SPATS1: variants seen among roughly 807,000 people sequenced by gnomAD.
The protein encoded by SPATS1 is spermatogenesis associated serine rich 1.
In SPATS1, 23 loss-of-function variants were observed where a neutral mutation model predicts 33.6. The ratio of observed to expected loss-of-function variants is 0.68; its 90% confidence interval spans 0.49 to 0.97. The LOEUF (loss-of-function observed/expected upper bound fraction) is 0.97, where lower values mean the gene tolerates loss of function less well. Ranked by LOEUF, SPATS1 falls within the 50% of genes least tolerant of loss-of-function variation. SPATS1 has a pLI of 0.00. For synonymous variants in SPATS1, 131 were observed against 125.6 expected, an observed-to-expected ratio of 1.04 and a Z score of -0.29; for missense variants, 327 against 361.0, an observed-to-expected ratio of 0.91 and a Z score of 0.76.
intron 2 of SPATS1, among the ~76,000 whole-genome samples, chr6:44,343,824 G>A (rs1476420349): frequency 1.3e-5 from 2 of 152,188 alleles, no homozygotes; most frequent in Non-Finnish European, 2.9e-5. Context: ...AGCTCAGAGT[G>A]CGCCTGCGCT....
In SPATS1 at chr6:44,350,533, G is replaced by GC. The variant is rs1788171820; in HGVS notation, c.140-2189dup. Among the ~76,000 whole-genome samples, 10 of 152,342 alleles carry GC rather than the reference G, an allele frequency of 6.6e-5. 1 individual carries two copies. In the South Asian group the frequency reaches 1.7e-3, roughly 25 times the overall value. ...TAGGCCTTGCGCCATGTCCTGAGAA[G>GC]CCCCAGAGTGGGAGGATTTTGAAGG... On this transcript the variant is annotated intron_variant, in intron 2 of 8. Coordinates refer to ENST00000674044, the MANE Select transcript of SPATS1 (RefSeq NM_001372081.1).
intron 5 of SPATS1, among the ~76,000 whole-genome samples, chr6:44,363,611 T>C (rs1052108152): frequency 5.3e-5 from 8 of 152,086 alleles, no homozygotes; most frequent in African/African-American, 1.9e-4. Flanking sequence ...TCTTTTTCTT[T>C]CTTCTCCTTT....
In SPATS1 at chr6:44,372,475, G is replaced by GT. The variant is rs926017003; in HGVS notation, c.758+2369dup. ...TTATTTTATTTTTTATTTTATTTATGTTTTTTTAGATGGAGTCTCACTTTG... is the reference window on the plus strand; with the variant it reads ...TTATTTTATTTTTTATTTTATTTATGTTTTTTTTAGATGGAGTCTCACTTTG... On this transcript the variant is annotated intron_variant, in intron 7 of 8. Coordinates refer to ENST00000674044, the MANE Select transcript of SPATS1 (RefSeq NM_001372081.1). Among the ~76,000 whole-genome samples, 185 of 151,130 alleles carry GT rather than the reference G, an allele frequency of 1.2e-3. 1 individual carries two copies. The highest frequency in any genetic ancestry group is 4.1e-3 in the African/African-American group (168 of 41,204).
chr6:44,368,139 C>T (rs1234351859), intron 5 of SPATS1, among the ~76,000 whole-genome samples: 1 of 152,222 alleles, frequency 6.6e-6, no homozygotes, highest in African/African-American at 2.4e-5. Context: ...AACACTCCAT[C>T]TGAATCTAAC....
rs766095927 is a variant in SPATS1, at chr6:44,377,883, C to T, written c.*820C>T. 6.6e-6 allele frequency: 1 copy of T among 152,222 alleles called. No individual in the cohort carries two copies. Among genetic ancestry groups the T allele is most frequent in the South Asian group, 2.1e-4 (1 of 4,832 alleles). The allele number at this position is 152,222 out of a possible 1,614,324, so 9.4% of individuals were successfully genotyped here. A position where few individuals can be genotyped will look rare whatever the true frequency, so the allele number is the denominator to read the frequency against. ...CTCCCAATGGCCTTACCTCCTAATA[C>T]CATCACCTTGGGGATTAGGTTTCGA... On this transcript the variant is annotated 3_prime_UTR_variant, in exon 9 of 9. Coordinates refer to ENST00000674044, the MANE Select transcript of SPATS1 (RefSeq NM_001372081.1).
intron 3 of SPATS1, among the ~76,000 whole-genome samples, chr6:44,355,842 T>C (rs1449525517): frequency 1.3e-5 from 2 of 152,162 alleles, no homozygotes; most frequent in Non-Finnish European, 2.9e-5. Context: ...GGACCATGTA[T>C]TGGGAGGGAA....
intron 7 of SPATS1, among the ~76,000 whole-genome samples, chr6:44,374,728 GA>G (rs1789828714): frequency 6.6e-6 from 1 of 152,186 alleles, no homozygotes; most frequent in Admixed American, 6.5e-5. Flanking sequence ...AACAAAGGCT[GA>G]AAAATGCTTT....
intron 3 of SPATS1, among the ~76,000 whole-genome samples, chr6:44,356,473 C>T (rs902051197): frequency 9.2e-5 from 14 of 152,198 alleles, no homozygotes; most frequent in Admixed American, 8.5e-4. Context: ...CTGAGTATAA[C>T]CTAGATCGGT....
intron 7 of SPATS1, among the ~76,000 whole-genome samples, chr6:44,374,654 T>C (rs1583097549): frequency 1.3e-5 from 2 of 152,356 alleles, no homozygotes; most frequent in East Asian, 3.9e-4. Flanking sequence ...GTTACATTAT[T>C]TGTTACATTT....
chr6:44,345,998 T>G (rs1787855642), intron 2 of SPATS1, among the ~76,000 whole-genome samples: 1 of 152,156 alleles, frequency 6.6e-6, no homozygotes, highest in Non-Finnish European at 1.5e-5. Context: ...CTTCAATTAT[T>G]TGGATGGGGC....
intron 3 of SPATS1, among the ~76,000 whole-genome samples, chr6:44,357,850 C>T (rs980210580): frequency 6.6e-6 from 1 of 152,192 alleles, no homozygotes; most frequent in African/African-American, 2.4e-5. Context: ...AACGTGTGAT[C>T]TGAGCTGAGC....
chr6:44,362,026 C>T, intron 5 of SPATS1, 34 bp downstream of exon 5: 1 of 1,613,298 alleles, frequency 6.2e-7, no homozygotes, highest in Non-Finnish European at 8.5e-7. Context: ...ACTGTGCAGT[C>T]CCCGAAAAAC....
intron 2 of SPATS1, among the ~76,000 whole-genome samples, chr6:44,349,302 A>C (rs953353269): frequency 6.6e-6 from 1 of 151,254 alleles, no homozygotes; most frequent in Non-Finnish European, 1.5e-5. Context: ...AAAAAAAAAA[A>C]AAAAAAAAAA....
chr6:44,377,216 T>C lies in SPATS1; in HGVS notation c.*153T>C. 1 of 869,484 alleles carries C rather than the reference T, an allele frequency of 1.2e-6. No individual in the cohort carries two copies. Among genetic ancestry groups the C allele is most frequent in the Non-Finnish European group, 1.8e-6 (1 of 560,958 alleles). 53.9% of individuals were successfully genotyped at this position (869,484 alleles called of 1,614,324 possible). On this transcript the variant is annotated 3_prime_UTR_variant, in exon 9 of 9. Coordinates refer to ENST00000674044, the MANE Select transcript of SPATS1 (RefSeq NM_001372081.1). The stretch of plus-strand genomic sequence containing the variant: ...TTTTAAAACTTTATATTTTGAAAAC[T>C]TTCACATTTACATAAAAGTTGCAAG...
intron 7 of SPATS1, among the ~76,000 whole-genome samples, chr6:44,374,492 T>G (rs1020298940): frequency 6.6e-6 from 1 of 152,202 alleles, no homozygotes; most frequent in African/African-American, 2.4e-5. Flanking sequence ...CTTTGCCCAT[T>G]CTTTTTGCCC....
chr6:44,348,574 G>A (rs1210140417), intron 2 of SPATS1, among the ~76,000 whole-genome samples: 1 of 152,090 alleles, frequency 6.6e-6, no homozygotes, highest in African/African-American at 2.4e-5. Context: ...GTAGGGACTG[G>A]ATGTTACCAG....
chr6:44,347,384 A>G (rs1787958962), intron 2 of SPATS1, among the ~76,000 whole-genome samples: 1 of 152,004 alleles, frequency 6.6e-6, no homozygotes, highest in Admixed American at 6.5e-5. Context: ...AAAAAAGCTC[A>G]TAATTTGTCA....
At chr6:44,350,026 G>T (rs1788141939) in intron 2 of SPATS1, among the ~76,000 whole-genome samples, 1 of 152,142 alleles carries the variant, frequency 6.6e-6, no homozygotes, top group Admixed American at 6.6e-5. Flanking sequence ...CCTCCCCTGG[G>T]CTTGACTCCA....
At chr6:44,367,342 T>G (rs1033283724) in intron 5 of SPATS1, among the ~76,000 whole-genome samples, 1 of 152,166 alleles carries the variant, frequency 6.6e-6, no homozygotes, top group Non-Finnish European at 1.5e-5. Flanking sequence ...AGTATATATT[T>G]TAAACCTCCA....
Sources: allele counts gnomAD v4.1 joint callset (sites outside exome capture counted in the v4.1 genomes callset), GRCh38; gene constraint gnomAD v4.1.1; transcripts MANE v1.5; gene names NCBI Gene and HGNC (gene_info 2026-07-23, HGNC 2026-07-21).